Variants in MYO5A observed in about 807,000 individuals in gnomAD.
MYO5A encodes the protein unconventional myosin-Va.
MYO5A carries 98 observed loss-of-function variants against 249.7 expected under a neutral mutation model. The observed-to-expected ratio is 0.39, with a 90% CI of 0.33 to 0.46. The LOEUF is 0.46. MYO5A is among the 20% of genes least tolerant of loss of function. The pLI is 0.98. For synonymous variants in MYO5A, 778 were observed against 810.6 expected (o/e 0.96, Z 0.68); for missense variants, 1,696 against 2,308.8 (o/e 0.73, Z 5.44).
chr15:52,477,106 T>C (rs1386878374), intron 1 of MYO5A, among the ~76,000 whole-genome samples: 1 of 152,220 alleles, frequency 6.6e-6, no homozygotes, highest in Admixed American at 6.5e-5. Context: ...TACTCTTTTT[T>C]CTCTAAACTT....
At chr15:52,386,931 T>C (rs2041997853) in intron 14 of MYO5A, among the ~76,000 whole-genome samples, 1 of 152,222 alleles carries the variant, frequency 6.6e-6, no homozygotes, top group Non-Finnish European at 1.5e-5. Context: ...GTAAAGGTTT[T>C]TATTCTAAAA....
chr15:52,452,467 CCT>C (rs1387705073), intron 1 of MYO5A, among the ~76,000 whole-genome samples: 7 of 152,130 alleles, frequency 4.6e-5, no homozygotes, highest in Non-Finnish European at 5.9e-5. Flanking sequence ...GTGAAATACC[CCT>C]GAGGACAGCC....
intron 1 of MYO5A, among the ~76,000 whole-genome samples, chr15:52,490,231 T>C (rs2076908384): frequency 1.3e-5 from 2 of 152,208 alleles, no homozygotes; most frequent in Admixed American, 1.3e-4. Context: ...GAATCCCACT[T>C]CTGGTTATAT....
intron 1 of MYO5A, among the ~76,000 whole-genome samples, chr15:52,468,981 T>C (rs1375602727): frequency 6.6e-6 from 1 of 152,200 alleles, no homozygotes; most frequent in Non-Finnish European, 1.5e-5. Flanking sequence ...GTTTTTAAAA[T>C]ATACATATCC....
At chr15:52,447,303 C>T (rs1264545480) in intron 1 of MYO5A, among the ~76,000 whole-genome samples, 1 of 152,184 alleles carries the variant, frequency 6.6e-6, no homozygotes, top group African/African-American at 2.4e-5. Context: ...TTCTCTCTCC[C>T]CAATCCTTGC....
At chr15:52,492,883 T>A (rs183392596) in intron 1 of MYO5A, among the ~76,000 whole-genome samples, 6 of 152,356 alleles carry the variant, frequency 3.9e-5, no homozygotes, top group Non-Finnish European at 8.8e-5. Flanking sequence ...TACTTTAGTA[T>A]ATATGTGAGA....
At chr15:52,397,737 T>A (rs892609221) in intron 9 of MYO5A, among the ~76,000 whole-genome samples, 3 of 152,192 alleles carry the variant, frequency 2.0e-5, no homozygotes, top group Non-Finnish European at 4.4e-5. Context: ...TCTTAAAGCA[T>A]CTTCATTCAT....
Position 52,346,467 on chromosome 15 carries a change from A to AGGGAAAC in MYO5A, c.3859-7_3859-6insGTTTCCC. The AGGGAAAC allele has an allele frequency of 1.3e-6, 2 of 1,531,106 alleles. No homozygotes were observed. Among genetic ancestry groups the AGGGAAAC allele is most frequent in the Non-Finnish European group, 1.8e-6 (2 of 1,105,654 alleles). 94.8% of individuals were successfully genotyped at this position (1,531,106 alleles called of 1,614,324 possible). ...GTGGAATCTGTCATTGTATTCTGAGAGGGAAATAACACATTTACGCATTAA... is the reference window on the plus strand; with the variant it reads ...GTGGAATCTGTCATTGTATTCTGAGAGGGAAACGGGAAATAACACATTTACGCATTAA... On this transcript the variant is annotated splice_polypyrimidine_tract_variant and splice_region_variant and intron_variant, in intron 29 of 41. Coordinates refer to ENST00000399233, the MANE Select transcript of MYO5A (RefSeq NM_001382347.1).
At chr15:52,454,770 A>T (rs1186132225) in intron 1 of MYO5A, among the ~76,000 whole-genome samples, 1 of 152,160 alleles carries the variant, frequency 6.6e-6, no homozygotes, top group Non-Finnish European at 1.5e-5. Context: ...ATTTCCTTGA[A>T]AATACAAAAA....
At chr15:52,449,203 A>C (rs985912659) in intron 1 of MYO5A, among the ~76,000 whole-genome samples, 6 of 151,826 alleles carry the variant, frequency 4.0e-5, no homozygotes, top group Non-Finnish European at 8.8e-5. Flanking sequence ...TCCTGACTTC[A>C]AGTGATCCAC....
intron 1 of MYO5A, among the ~76,000 whole-genome samples, chr15:52,463,982 T>C (rs558547526): frequency 6.6e-6 from 1 of 152,268 alleles, no homozygotes; most frequent in Non-Finnish European, 1.5e-5. Context: ...TTTGAGAACA[T>C]GGGCTCTGGA....
intron 1 of MYO5A, among the ~76,000 whole-genome samples, chr15:52,479,009 T>A (rs1473555436): frequency 6.6e-6 from 1 of 152,144 alleles, no homozygotes; most frequent in African/African-American, 2.4e-5. Context: ...AACTTTTTTT[T>A]TTTTAAGATG....
chr15:52,339,381 A>C (rs985552890), intron 32 of MYO5A, among the ~76,000 whole-genome samples: 2 of 152,176 alleles, frequency 1.3e-5, no homozygotes, highest in African/African-American at 4.8e-5. Context: ...CTAGCACTAC[A>C]ATATAGACTT....
chr15:52,522,343 C>T (rs1489475128), intron 1 of MYO5A, among the ~76,000 whole-genome samples: 1 of 152,080 alleles, frequency 6.6e-6, no homozygotes, highest in Non-Finnish European at 1.5e-5. Context: ...GTATATTATA[C>T]CTCAATAAAG....
intron 4 of MYO5A, among the ~76,000 whole-genome samples, chr15:52,418,780 G>A (rs1302921922): frequency 6.6e-6 from 1 of 151,944 alleles, no homozygotes; most frequent in African/African-American, 2.4e-5. Flanking sequence ...GCCGGGGTGG[G>A]GGAGGGTGTC....
intron 38 of MYO5A, among the ~76,000 whole-genome samples, chr15:52,320,163 C>T (rs965074467): frequency 6.6e-6 from 1 of 152,176 alleles, no homozygotes; most frequent in African/African-American, 2.4e-5. Context: ...TCCCAGAATT[C>T]GTCTTCTCAC....
At chr15:52,526,223 AGGAT>A (rs1174915265) in intron 1 of MYO5A, among the ~76,000 whole-genome samples, 1 of 152,208 alleles carries the variant, frequency 6.6e-6, no homozygotes. Context: ...TGTTTTGCCC[AGGAT>A]GGAGTGCAGT....
At chr15:52,347,694 T>C (rs2039711440) in intron 29 of MYO5A, among the ~76,000 whole-genome samples, 1 of 152,242 alleles carries the variant, frequency 6.6e-6, no homozygotes, top group South Asian at 2.1e-4. Flanking sequence ...TGTAAGTTTA[T>C]AAATGCTTCC....
chr15:52,435,682 T>A (rs145509339), intron 1 of MYO5A: 4 of 455,236 alleles, frequency 8.8e-6, no homozygotes, highest in Non-Finnish European at 1.8e-5. Flanking sequence ...GCTGGTAAAA[T>A]TTTTTACTTA....
Sources: gnomAD v4.1 joint callset for allele counts (sites outside exome capture counted in the v4.1 genomes callset) on GRCh38, gnomAD v4.1.1 for gene constraint, MANE v1.5 for transcripts, NCBI Gene and HGNC (gene_info 2026-07-23, HGNC 2026-07-21) for gene names.